CENPC: variants seen among roughly 807,000 people sequenced by gnomAD.
CENPC encodes the protein centromere protein C, also known as CENP-C 1.
In CENPC, 63 loss-of-function variants were observed where a neutral mutation model predicts 112.1. The observed-to-expected ratio is 0.56, with a 90% confidence interval of 0.46 to 0.69. The LOEUF (loss-of-function observed/expected upper bound fraction) is 0.69. Among genes scored for constraint, CENPC ranks in the 30% least tolerant of loss-of-function variants. The pLI is 0.00. For missense variants in CENPC, 1,000 were observed against 1,103.8 expected (o/e 0.91, Z 1.33); for synonymous variants, 333 against 367.6 (o/e 0.91, Z 1.08).
chr4:67,532,138 A>G (rs1726569780), intron 4 of CENPC, among the ~76,000 whole-genome samples: 1 of 152,248 alleles, frequency 6.6e-6, no homozygotes, highest in Non-Finnish European at 1.5e-5. Context: ...CAACGGACAC[A>G]TGAAAAAATG....
intron 1 of CENPC, 100 bp from the exon 2 acceptor site, chr4:67,544,295 AAACATCTCCT>A (rs777398720): frequency 3.0e-6 from 2 of 664,688 alleles, no homozygotes; most frequent in Non-Finnish European, 5.5e-6. Flanking sequence ...GCTATACACC[AAACATCTCCT>A]AAGGGCTCAA....
At chr4:67,493,829 G>T (rs1399153157) in intron 14 of CENPC, 55 bp downstream of exon 14, 4 of 1,112,284 alleles carry the variant, frequency 3.6e-6, no homozygotes, top group Admixed American at 3.9e-5. Context: ...GCAGTGTCTG[G>T]CACATAGTAA....
At position 67,478,666 on chromosome 4, in the gene CENPC, A is replaced by ACACC. The variant is rs146500743; in HGVS notation, c.2671-3689_2671-3688insGGTG. On this transcript the variant is annotated intron_variant, in intron 17 of 18. Transcript: ENST00000273853. ...CACACACACACACACACACACACAC[A>ACACC]CCCAAAGTATTCAGGCAACAACTAG... Among the ~76,000 whole-genome samples the ACACC allele has an allele frequency of 9.4e-3, 722 of 76,634 alleles. 23 individuals are homozygous for ACACC. The highest frequency in any genetic ancestry group is 0.016 in the African/African-American group (417 of 26,006). 50.3% of individuals were successfully genotyped at this position (76,634 alleles called of 152,430 possible).
At chr4:67,478,084 G>A (rs1471009012) in intron 17 of CENPC, among the ~76,000 whole-genome samples, 1 of 152,070 alleles carries the variant, frequency 6.6e-6, no homozygotes, top group Non-Finnish European at 1.5e-5. Flanking sequence ...AATAATTGGT[G>A]TTCCTGAGGA....
At chr4:67,478,889 C>G (rs1724880396) in intron 17 of CENPC, among the ~76,000 whole-genome samples, 1 of 152,098 alleles carries the variant, frequency 6.6e-6, no homozygotes, top group African/African-American at 2.4e-5. Context: ...ATATTCCATG[C>G]AAATGGATAC....
chr4:67,512,291 T>G, intron 9 of CENPC, 111 bp downstream of exon 9: 1 of 747,552 alleles, frequency 1.3e-6, no homozygotes, highest in Non-Finnish European at 2.1e-6. Flanking sequence ...GATGACCCAA[T>G]TTAACTTGGT....
intron 8 of CENPC, 78 bp downstream of exon 8, chr4:67,513,996 C>G: frequency 7.3e-7 from 1 of 1,373,820 alleles, no homozygotes; most frequent in Admixed American, 3.0e-5. Context: ...TGCCTACTTG[C>G]CAAAGCTAAG....
chr4:67,527,395 T>G lies in CENPC; in HGVS notation c.331+3420A>C, dbSNP rs112217936. Reference sequence around the variant, plus strand: ...CTGGCAGGAGAAAATTTCCCAACCCTATAAAAAACATCTATTAAAAACTTA... The same window carrying G: ...CTGGCAGGAGAAAATTTCCCAACCCGATAAAAAACATCTATTAAAAACTTA... On this transcript the variant is annotated intron_variant, in intron 5 of 18. Transcript: ENST00000273853. 9.5e-3 allele frequency among the ~76,000 whole-genome samples: 1,435 copies of G among 151,030 alleles called. 9 individuals are homozygous for G. Among genetic ancestry groups the G allele is most frequent in the Middle Eastern group, 0.017 (5 of 286 alleles).
At chr4:67,516,027 A>C (rs556391514) in intron 7 of CENPC, among the ~76,000 whole-genome samples, 1 of 152,140 alleles carries the variant, frequency 6.6e-6, no homozygotes, top group East Asian at 1.9e-4. Flanking sequence ...CTAAAGAGTA[A>C]GACAGACAAT....
At position 67,517,402 on chromosome 4, in the gene CENPC, T is replaced by C. The variant is rs1346787742; in HGVS notation, c.830+754A>G. The stretch of plus-strand genomic sequence containing the variant: ...GTCTTGAACCTCTGATCTCAAGTGA[T>C]CCACCCGCCTCGGCCTATCAAAGTG... On this transcript the variant is annotated intron_variant, in intron 7 of 18. Transcript: ENST00000273853. 2.0e-5 allele frequency among the ~76,000 whole-genome samples: 3 copies of C among 151,492 alleles called. No homozygotes were observed. The East Asian group carries it at 5.9e-4, about 30-fold the overall frequency.
chr4:67,533,902 G>A (rs1726633869), intron 4 of CENPC, among the ~76,000 whole-genome samples: 1 of 152,132 alleles, frequency 6.6e-6, no homozygotes, highest in African/African-American at 2.4e-5. Flanking sequence ...GCCAAGAGTG[G>A]TGGTGCATGC....
At chr4:67,505,574 C>A (rs1400203447) in intron 11 of CENPC, among the ~76,000 whole-genome samples, 2 of 152,126 alleles carry the variant, frequency 1.3e-5, no homozygotes, top group Non-Finnish European at 2.9e-5. Flanking sequence ...TAAATCATAT[C>A]TAGGTTACTG....
At chr4:67,511,646 T>C (rs567123718) in intron 9 of CENPC, among the ~76,000 whole-genome samples, 4 of 152,318 alleles carry the variant, frequency 2.6e-5, no homozygotes, top group Middle Eastern at 3.4e-3. Context: ...TAGGCAAATA[T>C]TGCCTTCCTT....
chr4:67,519,938 A>T (rs1216125861), intron 5 of CENPC, among the ~76,000 whole-genome samples: 1 of 152,180 alleles, frequency 6.6e-6, no homozygotes, highest in Non-Finnish European at 1.5e-5. Flanking sequence ...CTTCCCTGGA[A>T]ATTATCCATC....
intron 7 of CENPC, among the ~76,000 whole-genome samples, chr4:67,515,395 G>A (rs1726031018): frequency 6.6e-6 from 1 of 151,742 alleles, no homozygotes; most frequent in African/African-American, 2.4e-5. Flanking sequence ...GAACCCAGGA[G>A]GCAGAGGTTG....
intron 4 of CENPC, among the ~76,000 whole-genome samples, 191 bp downstream of exon 4, chr4:67,539,649 C>T (rs1399570829): frequency 1.3e-5 from 2 of 152,036 alleles, no homozygotes; most frequent in Admixed American, 1.3e-4. Flanking sequence ...TTCCCATAAT[C>T]CCAATTCCAA....
rs867358619 is a variant in CENPC, at chr4:67,492,233, G to T, written c.2462C>A (p.Pro821His). 6.4e-7 allele frequency: 1 copy of T among 1,568,758 alleles called. No homozygotes were observed. Among genetic ancestry groups the T allele is most frequent in the Non-Finnish European group, 8.7e-7 (1 of 1,154,748 alleles). ...MVNLGIPLGDPLQPTRVKDPE... is the reference protein window; with the variant it reads ...MVNLGIPLGDHLQPTRVKDPE... ...GTCCTTTACCCTCGTTGGCTGCAAA[G>T]GATCTCCAAGAGGTATACCTAGATT... The change falls in exon 16 of 19, where the codon CCT (proline) becomes CAT (histidine). Residue 821 changes from proline to histidine, a missense_variant. Transcript: ENST00000273853.
At chr4:67,518,409 C>A (rs746242990) in intron 6 of CENPC, 41 bp from the exon 7 acceptor site, 7 of 1,467,376 alleles carry the variant, frequency 4.8e-6, no homozygotes, top group South Asian at 3.0e-5. Context: ...GCTCCCGTAA[C>A]GTTTCTTGAG....
intron 5 of CENPC, among the ~76,000 whole-genome samples, chr4:67,519,785 G>A (rs1223351271): frequency 6.6e-6 from 1 of 152,052 alleles, no homozygotes; most frequent in African/African-American, 2.4e-5. Flanking sequence ...ATAAGCATGT[G>A]TGTATATATA....
Sources: gnomAD v4.1 joint callset for allele counts (sites outside exome capture counted in the v4.1 genomes callset) on GRCh38, gnomAD v4.1.1 for gene constraint, MANE v1.5 for transcripts, NCBI Gene and HGNC (gene_info 2026-07-23, HGNC 2026-07-21) for gene names.